Variants in TIAM2 observed in about 807,000 individuals in gnomAD.
The protein encoded by TIAM2 is TIAM Rac1 associated GEF 2, also known as rho guanine nucleotide exchange factor TIAM2.
In TIAM2, 80 loss-of-function variants were observed where a neutral mutation model predicts 152.9. The ratio of observed to expected loss-of-function variants is 0.52; its 90% confidence interval spans 0.44 to 0.63. TIAM2 has a LOEUF of 0.63. Among genes scored for constraint, TIAM2 ranks in the 30% least tolerant of loss-of-function variants. The pLI, the probability that TIAM2 is intolerant of heterozygous loss-of-function variation, is 0.00. For synonymous variants in TIAM2, 804 were observed against 838.0 expected, an observed-to-expected ratio of 0.96 and a Z score of 0.70; for missense variants, 1,965 against 2,120.1, an observed-to-expected ratio of 0.93 and a Z score of 1.44.
Position 155,168,917 on chromosome 6 carries a change from G to A in TIAM2, c.2361+3508G>A, listed in dbSNP as rs3763201. On this transcript the variant is annotated intron_variant, in intron 9 of 26. Coordinates refer to ENST00000682666, the MANE Select transcript of TIAM2 (RefSeq NM_012454.4). ...TCAAAACTCCAGTAACTCCAGTGAG[G>A]TAAACTTTGCTATAGATGGCCGCCA... 22,267 of 1,532,778 alleles carry A rather than the reference G, an allele frequency of 0.015. 1,384 individuals carry two copies. In the African/African-American group the frequency reaches 0.18, roughly 12 times the overall value. The allele number at this position is 1,532,778 out of a possible 1,614,324, so 94.9% of individuals were successfully genotyped here.
chr6:155,073,954 T>A (rs1013212617), intron 1 of TIAM2, among the ~76,000 whole-genome samples: 1 of 152,142 alleles, frequency 6.6e-6, no homozygotes, highest in Non-Finnish European at 1.5e-5. Flanking sequence ...TGCAATGTTC[T>A]GGATGGGGAG....
At chr6:154,998,232 C>A (rs1183802410) in intron 1 of TIAM2, among the ~76,000 whole-genome samples, 1 of 152,094 alleles carries the variant, frequency 6.6e-6, no homozygotes, top group African/African-American at 2.4e-5. Context: ...GATAAGGGGG[C>A]AAGAAACTTG....
chr6:155,131,602 C>T (rs1779446397), intron 4 of TIAM2, among the ~76,000 whole-genome samples: 1 of 147,318 alleles, frequency 6.8e-6, no homozygotes, highest in Non-Finnish European at 1.5e-5. Flanking sequence ...TTTTTTGAGA[C>T]AGAGTATCGC....
intron 2 of TIAM2, among the ~76,000 whole-genome samples, chr6:155,122,462 A>T (rs9397226): frequency 8.3e-6 from 1 of 120,258 alleles, no homozygotes; most frequent in African/African-American, 3.3e-5. Flanking sequence ...GGGATTGGGA[A>T]GGAATGGAGA....
intron 2 of TIAM2, among the ~76,000 whole-genome samples, chr6:155,093,082 T>C (rs187102337): frequency 4.6e-4 from 70 of 152,326 alleles, no homozygotes; most frequent in African/African-American, 1.6e-3. Flanking sequence ...TGTATAACAA[T>C]ATAGTTGTCT....
intron 2 of TIAM2, among the ~76,000 whole-genome samples, chr6:155,109,693 T>C (rs113519980): frequency 0.011 from 1,734 of 152,258 alleles, 14 homozygotes; most frequent in Middle Eastern, 0.054. Context: ...ACGTTAGAGC[T>C]GAAAATGGAC....
intron 6 of TIAM2, among the ~76,000 whole-genome samples, chr6:155,145,743 C>A (rs781478895): frequency 2.0e-5 from 3 of 152,086 alleles, no homozygotes; most frequent in Non-Finnish European, 4.4e-5. Flanking sequence ...AGAAGCCCTG[C>A]AGAGCAACAG....
chr6:155,212,888 A>C (rs1458224007), intron 15 of TIAM2, among the ~76,000 whole-genome samples: 2 of 152,196 alleles, frequency 1.3e-5, no homozygotes, highest in Non-Finnish European at 2.9e-5. Flanking sequence ...CAGCAGCTGC[A>C]GGCTCTAGCA....
intron 1 of TIAM2, among the ~76,000 whole-genome samples, chr6:155,034,061 T>C (rs1776876164): frequency 6.6e-6 from 1 of 150,618 alleles, no homozygotes; most frequent in African/African-American, 2.4e-5. Context: ...TTTTTTTTCC[T>C]GCCTCCCTTT....
At chr6:155,061,826 T>TA (rs943057177) in intron 1 of TIAM2, among the ~76,000 whole-genome samples, 1 of 152,174 alleles carries the variant, frequency 6.6e-6, no homozygotes, top group Non-Finnish European at 1.5e-5. Flanking sequence ...ATTGATTTTT[T>TA]AAAAAAATTT....
intron 2 of TIAM2, among the ~76,000 whole-genome samples, chr6:155,104,654 G>T (rs956968518): frequency 7.9e-5 from 12 of 151,986 alleles, no homozygotes; most frequent in Non-Finnish European, 1.8e-4. Context: ...CTACTAGGGA[G>T]GCTGAGGCAG....
chr6:155,183,555 T>G, intron 14 of TIAM2, 55 bp downstream of exon 14: 13 of 1,531,024 alleles, frequency 8.5e-6, no homozygotes, highest in Non-Finnish European at 1.1e-5. Context: ...GCCAATATTT[T>G]TAGGCTGTAA....
Position 155,047,688 on chromosome 6 carries a change from G to GAGAGAGAGA in TIAM2, c.-208-42601_-208-42600insAGAGAGAGA, listed in dbSNP as rs71023609. Among the ~76,000 whole-genome samples the GAGAGAGAGA allele has an allele frequency of 3.4e-4, 15 of 44,718 alleles. 1 individual carries two copies. Among genetic ancestry groups the GAGAGAGAGA allele is most frequent in the African/African-American group, 1.1e-3 (13 of 12,012 alleles). The allele number at this position is 44,718 out of a possible 152,430, so 29.3% of individuals were successfully genotyped here. On this transcript the variant is annotated intron_variant, in intron 1 of 26. Coordinates refer to ENST00000682666, the MANE Select transcript of TIAM2 (RefSeq NM_012454.4). The stretch of plus-strand genomic sequence containing the variant: ...GAGAGGAGAGAGAGAGAGAGAGAGA[G>GAGAGAGAGA]GAGAGAGAGAGAGAGAGCGAGAGAG...
chr6:155,256,098 G>C, intron 26 of TIAM2: 1 of 333,386 alleles, frequency 3.0e-6, no homozygotes, highest in Admixed American at 4.7e-5. Flanking sequence ...TAGGAATATG[G>C]TGTGATCTTC....
chr6:155,019,675 C>T (rs990627672), intron 1 of TIAM2, among the ~76,000 whole-genome samples: 4 of 152,198 alleles, frequency 2.6e-5, no homozygotes, highest in East Asian at 1.9e-4. Flanking sequence ...GTGGGCCTAC[C>T]GGCCAGCTGG....
intron 1 of TIAM2, among the ~76,000 whole-genome samples, chr6:155,061,017 G>C (rs902866303): frequency 1.3e-5 from 2 of 148,300 alleles, no homozygotes; most frequent in Non-Finnish European, 1.5e-5. Flanking sequence ...TCCAGTTCCA[G>C]AATCAGCCAT....
At chr6:155,110,331 T>G (rs1332475781) in intron 2 of TIAM2, among the ~76,000 whole-genome samples, 2 of 143,490 alleles carry the variant, frequency 1.4e-5, no homozygotes, top group Admixed American at 6.9e-5. Context: ...TTTTTTTTTG[T>G]TGTTCTTTCT....
intron 14 of TIAM2, among the ~76,000 whole-genome samples, chr6:155,187,573 C>CCCCTTTT (rs1189509294): frequency 2.6e-4 from 13 of 49,610 alleles, no homozygotes; most frequent in South Asian, 9.5e-4. Flanking sequence ...ACCCCGCCCC[C>CCCCTTTT]TTTTTTTTTT....
intron 1 of TIAM2, among the ~76,000 whole-genome samples, chr6:154,998,951 G>A (rs1778267082): frequency 7.0e-6 from 1 of 142,404 alleles, no homozygotes; most frequent in South Asian, 2.4e-4. Context: ...AAGATTTTCA[G>A]TGCCAAACAC....
Sources: gnomAD v4.1 joint callset for allele counts (sites outside exome capture counted in the v4.1 genomes callset) on GRCh38, gnomAD v4.1.1 for gene constraint, MANE v1.5 for transcripts, NCBI Gene and HGNC (gene_info 2026-07-23, HGNC 2026-07-21) for gene names.